ARHGAP42: variants seen among roughly 807,000 people sequenced by gnomAD.
The protein encoded by ARHGAP42 is rho GTPase-activating protein 42.
A neutral mutation model predicts 125.0 loss-of-function variants in ARHGAP42; 63 were observed. The observed-to-expected ratio is 0.50, with a 90% CI of 0.41 to 0.62. ARHGAP42 has a LOEUF of 0.62. Among genes scored for constraint, ARHGAP42 ranks in the 20% least tolerant of loss-of-function variants. The pLI is 0.00. For synonymous variants in ARHGAP42, 339 were observed against 351.0 expected (o/e 0.97, Z 0.38); for missense variants, 766 against 1,024.2 (o/e 0.75, Z 3.44).
chr11:100,688,434 G>A (rs1194077752), intron 1 of ARHGAP42, among the ~76,000 whole-genome samples: 1 of 152,112 alleles, frequency 6.6e-6, no homozygotes, highest in Non-Finnish European at 1.5e-5. Flanking sequence ...GTGGGTGTTG[G>A]GTGTGTCATT....
intron 1 of ARHGAP42, among the ~76,000 whole-genome samples, chr11:100,735,717 T>G (rs1000723050): frequency 2.7e-5 from 4 of 148,942 alleles, no homozygotes; most frequent in African/African-American, 9.9e-5. Flanking sequence ...CAAGCGAGTC[T>G]CCTGCCTCAG....
Position 100,976,137 on chromosome 11 carries a change from A to G in ARHGAP42, c.1936A>G (p.Ser646Gly). The change falls in exon 20 of 24, where the codon AGC becomes GGC. Residue 646 changes from serine to glycine, a missense_variant. By Grantham distance (56) the Ser-to-Gly change is moderately conservative. Coordinates refer to ENST00000298815, the MANE Select transcript of ARHGAP42 (RefSeq NM_152432.4). ...SLSSHSSEQN[S>G]TTKSASCQPR... is the part of the protein sequence containing the mutation. ...CTCTTCTCATTCCTCTGAACAAAATAGCACTACAAAGTCAGCTTCCTGCCA... is the reference window on the plus strand; with the variant it reads ...CTCTTCTCATTCCTCTGAACAAAATGGCACTACAAAGTCAGCTTCCTGCCA... The G allele has an allele frequency of 6.4e-7, 1 of 1,551,674 alleles. No homozygotes were observed. Among genetic ancestry groups the G allele is most frequent in the Non-Finnish European group, 8.7e-7 (1 of 1,146,874 alleles).
At chr11:100,798,410 C>A (rs1226212593) in intron 3 of ARHGAP42, among the ~76,000 whole-genome samples, 8 of 152,224 alleles carry the variant, frequency 5.3e-5, no homozygotes, top group Admixed American at 1.3e-4. Context: ...CCTTCAGCAA[C>A]CACCACCCTG....
In ARHGAP42 at chr11:100,793,034, G is replaced by A. The variant is rs182928267; in HGVS notation, c.251-2071G>A. 2.7e-3 allele frequency among the ~76,000 whole-genome samples: 417 copies of A among 152,202 alleles called. 2 individuals carry two copies. The highest frequency in any genetic ancestry group is 4.8e-3 in the Non-Finnish European group (324 of 68,010). On this transcript the variant is annotated intron_variant, in intron 2 of 23. Coordinates refer to ENST00000298815, the MANE Select transcript of ARHGAP42 (RefSeq NM_152432.4). ...CTCCCAAAGTGCTGGGATTACAGGC[G>A]TGAGCCACCGCGCCCAGCCAGAATT...
intron 22 of ARHGAP42, among the ~76,000 whole-genome samples, chr11:100,981,586 C>T (rs1858546137): frequency 6.6e-6 from 1 of 152,222 alleles, no homozygotes; most frequent in South Asian, 2.1e-4. Flanking sequence ...GAAAAGTAAC[C>T]CCCCCAGCAT....
At chr11:100,940,548 T>C (rs1174156365) in intron 8 of ARHGAP42, among the ~76,000 whole-genome samples, 1 of 152,148 alleles carries the variant, frequency 6.6e-6, no homozygotes, top group Non-Finnish European at 1.5e-5. Context: ...AGGAGAATAC[T>C]GGACAATAAC....
chr11:100,972,510 G>A (rs1858274581), intron 17 of ARHGAP42, among the ~76,000 whole-genome samples: 2 of 147,518 alleles, frequency 1.4e-5, no homozygotes, highest in African/African-American at 2.5e-5. Flanking sequence ...GGTACTCAGG[G>A]AAGTTTTGGA....
At chr11:100,849,361 A>G (rs1865149321) in intron 3 of ARHGAP42, among the ~76,000 whole-genome samples, 1 of 152,210 alleles carries the variant, frequency 6.6e-6, no homozygotes, top group African/African-American at 2.4e-5. Flanking sequence ...GGATTTGGAA[A>G]AGACCAGGGC....
rs553749625 is a variant in ARHGAP42, at chr11:100,762,970, A to ATTTTT, written c.155-7351_155-7347dup. Reference sequence around the variant, plus strand: ...ACGAGCTTTTCAGTAGTTTATAGTGATTTTTTTTTTTTTTTTTTTTTTTTT... The same window carrying ATTTTT: ...ACGAGCTTTTCAGTAGTTTATAGTGATTTTTTTTTTTTTTTTTTTTTTTTTTTTTT... On this transcript the variant is annotated intron_variant, in intron 1 of 23. Transcript: ENST00000298815. Among the ~76,000 whole-genome samples the ATTTTT allele has an allele frequency of 1.3e-4, 11 of 84,992 alleles. 2 individuals carry two copies. The highest frequency in any genetic ancestry group is 4.0e-4 in the South Asian group (1 of 2,502). The allele number at this position is 84,992 out of a possible 152,430, so 55.8% of individuals were successfully genotyped here. A position where few individuals can be genotyped will look rare whatever the true frequency, so the allele number is the denominator to read the frequency against.
chr11:100,979,764 G>C (rs1407678995), intron 22 of ARHGAP42, among the ~76,000 whole-genome samples: 1 of 151,794 alleles, frequency 6.6e-6, no homozygotes, highest in African/African-American at 2.4e-5. Flanking sequence ...ATTGTTGAAA[G>C]AGCATATAAA....
intron 4 of ARHGAP42, among the ~76,000 whole-genome samples, chr11:100,900,463 G>T (rs773679115): frequency 6.6e-6 from 1 of 152,162 alleles, no homozygotes; most frequent in Non-Finnish European, 1.5e-5. Flanking sequence ...TGCCTTGCTA[G>T]GTTGGGGAAG....
Position 100,976,227 on chromosome 11 carries a change from A to G in ARHGAP42, c.2026A>G (p.Ser676Gly). 1.3e-6 allele frequency: 2 copies of G among 1,551,652 alleles called. No individual in the cohort carries two copies. The highest frequency in any genetic ancestry group is 1.4e-5 in the African/African-American group (1 of 73,148). The change falls in exon 20 of 24, where the codon AGC becomes GGC. Residue 676 changes from serine to glycine, a missense_variant. Coordinates refer to ENST00000298815, the MANE Select transcript of ARHGAP42 (RefSeq NM_152432.4). ...ATPSSSNGQK[S>G]LGLWTTSPES... ...CCCATCATCTTCCAATGGACAGAAA[A>G]GCCTTGGTCTGTGGACAACTAGTCC...
chr11:100,926,015 A>G lies in ARHGAP42; in HGVS notation c.597+4411A>G, dbSNP rs117259878. On this transcript the variant is annotated intron_variant, in intron 6 of 23. Transcript: ENST00000298815. ...TTCTAGAAGTACTCTGAACACAAAC[A>G]GCTTAAATAAGAGTTGTGGAGGAGC... Among the ~76,000 whole-genome samples, 41 of 152,342 alleles carry G rather than the reference A, an allele frequency of 2.7e-4. No homozygotes were observed. In the East Asian group the frequency reaches 7.5e-3, roughly 28 times the overall value.
chr11:100,781,362 T>C (rs1387837498), intron 2 of ARHGAP42, among the ~76,000 whole-genome samples: 1 of 152,138 alleles, frequency 6.6e-6, no homozygotes, highest in African/African-American at 2.4e-5. Context: ...ATCACAACTT[T>C]AGTATAGTGG....
intron 1 of ARHGAP42, among the ~76,000 whole-genome samples, chr11:100,766,693 A>G (rs1279778086): frequency 6.6e-6 from 1 of 152,196 alleles, no homozygotes; most frequent in Non-Finnish European, 1.5e-5. Flanking sequence ...GAGGTTGATC[A>G]TTATTACTGC....
At chr11:100,829,593 G>A in intron 3 of ARHGAP42, among the ~76,000 whole-genome samples, 1 of 152,196 alleles carries the variant, frequency 6.6e-6, no homozygotes, top group Middle Eastern at 3.4e-3. Flanking sequence ...TGCCCCCTAG[G>A]GTGGCCAGTG....
Position 100,987,601 on chromosome 11 carries a change from G to A in ARHGAP42, c.2536+9G>A, listed in dbSNP as rs1221252565. On this transcript the variant is annotated intron_variant, in intron 23 of 23. Coordinates refer to ENST00000298815, the MANE Select transcript of ARHGAP42 (RefSeq NM_152432.4). ...AGCAATATTTTCTAATGGTAAGTAT[G>A]TCAATTCCCTCTGCCTAAGTTTGTC... 15 of 1,549,616 alleles carry A rather than the reference G, an allele frequency of 9.7e-6. No individual in the cohort carries two copies. Among genetic ancestry groups the A allele is most frequent in the Middle Eastern group, 1.7e-4 (1 of 6,012 alleles).
chr11:100,709,286 C>T lies in ARHGAP42; in HGVS notation c.154+21454C>T, dbSNP rs143731521. Among the ~76,000 whole-genome samples the T allele has an allele frequency of 1.3e-3, 202 of 151,794 alleles. 1 individual carries two copies. Among genetic ancestry groups the T allele is most frequent in the African/African-American group, 4.5e-3 (185 of 41,356 alleles). The stretch of plus-strand genomic sequence containing the variant: ...AACTCTTGACCTCAAATGATCTGCC[C>T]GCCTTGGCCTCCCAGTGAATGTTGT... On this transcript the variant is annotated intron_variant, in intron 1 of 23. Coordinates refer to ENST00000298815, the MANE Select transcript of ARHGAP42 (RefSeq NM_152432.4).
intron 11 of ARHGAP42, among the ~76,000 whole-genome samples, chr11:100,948,993 C>A (rs931302253): frequency 3.3e-5 from 5 of 151,990 alleles, no homozygotes; most frequent in Admixed American, 6.6e-5. Context: ...CACTTCCATA[C>A]ATATCCCCAT....
Sources: allele counts gnomAD v4.1 joint callset (sites outside exome capture counted in the v4.1 genomes callset), GRCh38; gene constraint gnomAD v4.1.1; transcripts MANE v1.5; gene names NCBI Gene and HGNC (gene_info 2026-07-23, HGNC 2026-07-21).